Variants in C6orf89 observed in about 807,000 individuals in gnomAD.
C6orf89 encodes the protein chromosome 6 open reading frame 89.
A neutral mutation model predicts 40.7 loss-of-function variants in C6orf89; 29 were observed. That is an observed-to-expected ratio of 0.71 (90% CI 0.53 to 0.97). C6orf89 has a LOEUF of 0.97. Among genes scored for constraint, C6orf89 ranks in the 50% least tolerant of loss-of-function variants. C6orf89 has a pLI of 0.00. For synonymous variants in C6orf89, 165 were observed against 152.2 expected (o/e 1.08, Z -0.62); for missense variants, 392 against 429.1 (o/e 0.91, Z 0.76).
chr6:36,897,156 A>G (rs763381777), intron 2 of C6orf89, among the ~76,000 whole-genome samples: 4 of 150,912 alleles, frequency 2.7e-5, no homozygotes, highest in Non-Finnish European at 5.9e-5. Flanking sequence ...AAAAAAGAAA[A>G]GAAAGAAAGG....
intron 1 of C6orf89, among the ~76,000 whole-genome samples, chr6:36,890,455 G>A (rs928093916): frequency 2.0e-5 from 3 of 152,194 alleles, no homozygotes; most frequent in South Asian, 2.1e-4. Context: ...AGGTCCATCC[G>A]TATTGTTACA....
intron 4 of C6orf89, among the ~76,000 whole-genome samples, chr6:36,906,525 A>C (rs1761931667): frequency 6.6e-6 from 1 of 152,350 alleles, no homozygotes; most frequent in South Asian, 2.1e-4. Context: ...TGTTTTTGAT[A>C]ATAAATTTTC....
intron 3 of C6orf89, among the ~76,000 whole-genome samples, chr6:36,901,601 TG>T (rs1761716984): frequency 6.7e-6 from 1 of 149,372 alleles, no homozygotes; most frequent in Admixed American, 6.7e-5. Context: ...CCCAAAGTGC[TG>T]GGATTACAGG....
chr6:36,909,657 C>T (rs1009148345), intron 4 of C6orf89, among the ~76,000 whole-genome samples: 2 of 151,872 alleles, frequency 1.3e-5, no homozygotes, highest in Non-Finnish European at 2.9e-5. Context: ...TGGTGCACAC[C>T]TGTAGTCCCA....
At chr6:36,887,119 G>T (rs73732034) in intron 1 of C6orf89, among the ~76,000 whole-genome samples, 1,548 of 142,220 alleles carry the variant, frequency 0.011, 28 homozygotes, top group African/African-American at 0.036. Flanking sequence ...GCGTTTTTTT[G>T]TTTTTTTTTT....
chr6:36,909,583 C>T (rs1469550878), intron 4 of C6orf89, among the ~76,000 whole-genome samples: 1 of 151,590 alleles, frequency 6.6e-6, no homozygotes, highest in African/African-American at 2.4e-5. Flanking sequence ...ATTTTTTTAT[C>T]TACCCTGGGC....
chr6:36,878,277 T>C (rs569129576), intron 1 of C6orf89, among the ~76,000 whole-genome samples: 1 of 152,354 alleles, frequency 6.6e-6, no homozygotes, highest in Admixed American at 6.5e-5. Context: ...ATTGGTTTCA[T>C]ACATTTATGT....
upstream of C6orf89, among the ~76,000 whole-genome samples, chr6:36,880,992 C>A (rs1774791047): frequency 6.6e-6 from 1 of 152,170 alleles, no homozygotes; most frequent in Admixed American, 6.5e-5. Context: ...CATAAAATGC[C>A]ACCATGACTC....
intron 1 of C6orf89, chr6:36,874,782 G>C (rs1483296704): frequency 6.2e-7 from 1 of 1,614,014 alleles, no homozygotes; most frequent in Non-Finnish European, 8.5e-7. Context: ...TAGCGAAGCC[G>C]GCGGCGGAAT....
At chr6:36,902,948 G>C (rs1377748839) in intron 4 of C6orf89, among the ~76,000 whole-genome samples, 9 of 152,160 alleles carry the variant, frequency 5.9e-5, no homozygotes. Flanking sequence ...GTCCTCTAAA[G>C]TATATCAATT....
At chr6:36,917,359 G>C (rs1762360823) in intron 7 of C6orf89, among the ~76,000 whole-genome samples, 1 of 152,174 alleles carries the variant, frequency 6.6e-6, no homozygotes, top group Non-Finnish European at 1.5e-5. Context: ...CAAGTGCTCA[G>C]AGCCAAAGTT....
chr6:36,874,942 G>A, intron 1 of C6orf89: 1 of 680,710 alleles, frequency 1.5e-6, no homozygotes, highest in Non-Finnish European at 2.5e-6. Flanking sequence ...CGGGAAGCTG[G>A]GGTGGGAGAC....
rs73732050 is a variant in C6orf89, at chr6:36,899,600, C to T, written c.156C>T (p.Pro52=). ...LLEKNEPQRP[P]PQYPLLIVVY... Reference sequence around the variant, plus strand: ...AAAAGAATGAACCTCAGAGACCCCCCCCGCAGTATCCTCTCCTTATAGTTG... The same window carrying T: ...AAAAGAATGAACCTCAGAGACCCCCTCCGCAGTATCCTCTCCTTATAGTTG... The change falls in exon 3 of 9, where the codon CCC becomes CCT. Residue 52 remains proline, a synonymous_variant. Coordinates refer to ENST00000480824, the MANE Select transcript of C6orf89 (RefSeq NM_001286635.2). 3.8e-3 allele frequency: 6,137 copies of T among 1,614,128 alleles called. 38 individuals are homozygous for T. Among genetic ancestry groups the T allele is most frequent in the Middle Eastern group, 0.019 (118 of 6,062 alleles).
At chr6:36,880,655 C>T (rs1214335595) in intron 2 of C6orf89, among the ~76,000 whole-genome samples, 2 of 152,288 alleles carry the variant, frequency 1.3e-5, no homozygotes, top group East Asian at 3.9e-4. Flanking sequence ...GCTTCAAGGT[C>T]ATAAACTGCT....
At chr6:36,911,061 T>C (rs147776510) in intron 4 of C6orf89, among the ~76,000 whole-genome samples, 8 of 152,342 alleles carry the variant, frequency 5.3e-5, no homozygotes, top group African/African-American at 1.9e-4. Flanking sequence ...CAAGTTTTTC[T>C]TTTAGTTTGC....
intron 1 of C6orf89, among the ~76,000 whole-genome samples, chr6:36,876,882 A>G (rs560220401): frequency 1.3e-5 from 2 of 152,214 alleles, no homozygotes; most frequent in Non-Finnish European, 2.9e-5. Context: ...GCCAGAAGCC[A>G]TGAGGGGTCA....
chr6:36,885,276 G>A (rs1774932563), upstream of C6orf89, among the ~76,000 whole-genome samples: 1 of 152,148 alleles, frequency 6.6e-6, no homozygotes, highest in Non-Finnish European at 1.5e-5. Flanking sequence ...GTTCAAATCA[G>A]GCAAACACCG....
chr6:36,911,014 G>T (rs185669655), intron 4 of C6orf89, among the ~76,000 whole-genome samples: 1 of 151,948 alleles, frequency 6.6e-6, no homozygotes, highest in East Asian at 1.9e-4. Flanking sequence ...ACTTGTGTTC[G>T]CCTCTAACTT....
upstream of C6orf89, chr6:36,883,108 T>C (rs1399438164): frequency 6.6e-6 from 1 of 152,240 alleles, no homozygotes; most frequent in Non-Finnish European, 1.5e-5. Context: ...GCTGATGTTA[T>C]AACAGTAGAT....
Sources: gnomAD v4.1 joint callset for allele counts (sites outside exome capture counted in the v4.1 genomes callset) on GRCh38, gnomAD v4.1.1 for gene constraint, MANE v1.5 for transcripts, NCBI Gene and HGNC (gene_info 2026-07-23, HGNC 2026-07-21) for gene names.